The following MTAP variants were observed in gnomAD, a reference collection of about 807,000 sequenced individuals.
The protein encoded by MTAP is methylthioadenosine phosphorylase, also known as S-methyl-5'-thioadenosine phosphorylase.
Under a neutral mutation model 33.6 loss-of-function variants are expected in MTAP, and 33 were observed. That is an observed-to-expected ratio of 0.98 (90% CI 0.74 to 1.31). The LOEUF (loss-of-function observed/expected upper bound fraction) is 1.31, where lower values mean the gene tolerates loss of function less well. MTAP is among the 40% of genes most tolerant of loss of function. The pLI is 0.00. For synonymous variants in MTAP, 148 were observed against 125.7 expected, an observed-to-expected ratio of 1.18 and a Z score of -1.19; for missense variants, 367 against 360.0, an observed-to-expected ratio of 1.02 and a Z score of -0.16.
At chr9:21,850,948 G>A (rs959264806) in intron 5 of MTAP, among the ~76,000 whole-genome samples, 1 of 152,194 alleles carries the variant, frequency 6.6e-6, no homozygotes, top group African/African-American at 2.4e-5. Context: ...TAAGTCAACA[G>A]GCTAAGAAGG....
downstream of MTAP, among the ~76,000 whole-genome samples, chr9:21,869,391 A>G (rs558046572): frequency 2.0e-5 from 3 of 152,206 alleles, no homozygotes; most frequent in East Asian, 3.9e-4. Flanking sequence ...CTCCTCTTTG[A>G]TAAGTTTTCT....
chr9:21,806,956 A>G (rs555240560), intron 1 of MTAP, among the ~76,000 whole-genome samples: 1 of 152,160 alleles, frequency 6.6e-6, no homozygotes, highest in South Asian at 2.1e-4. Flanking sequence ...CTGAGCTCAG[A>G]AGTTCAAGAC....
At chr9:21,908,881 A>T (rs1818518410) in intron 1 of MTAP, among the ~76,000 whole-genome samples, 1 of 151,986 alleles carries the variant, frequency 6.6e-6, no homozygotes, top group Non-Finnish European at 1.5e-5. Context: ...TGAATGAAAT[A>T]TGGAAGTCTC....
chr9:21,839,752 CTGTCATG>C (rs1825197523), intron 5 of MTAP, among the ~76,000 whole-genome samples: 1 of 152,144 alleles, frequency 6.6e-6, no homozygotes, highest in Non-Finnish European at 1.5e-5. Context: ...TGGAATAGGA[CTGTCATG>C]ATGAATTGTC....
In MTAP at chr9:21,913,864, T is replaced by C. The variant is rs1247410871; in HGVS notation, c.148-17144T>C. ...AGGCAACCTACAGAATGGGAGAAAATTTTTGCAATCTACTCATCTGACAAA... is the reference window on the plus strand; with the variant it reads ...AGGCAACCTACAGAATGGGAGAAAACTTTTGCAATCTACTCATCTGACAAA... On this transcript the variant is annotated intron_variant, in intron 1 of 1. Coordinates refer to the MTAP transcript ENST00000577563. 2.6e-5 allele frequency among the ~76,000 whole-genome samples: 4 copies of C among 151,898 alleles called. No homozygotes were observed. The South Asian group carries it at 6.2e-4, about 24-fold the overall frequency.
downstream of MTAP, chr9:21,931,781 T>TC (rs1343056683): frequency 1.3e-5 from 2 of 152,226 alleles, no homozygotes; most frequent in East Asian, 1.9e-4. Flanking sequence ...GTACTTTATT[T>TC]CCTTTCATTC....
At chr9:21,836,408 G>A (rs567936099) in intron 4 of MTAP, among the ~76,000 whole-genome samples, 2 of 152,272 alleles carry the variant, frequency 1.3e-5, no homozygotes, top group South Asian at 2.1e-4. Flanking sequence ...AGGCAAATGG[G>A]TGGGGATAGA....
rs10123991 is a variant in MTAP, at chr9:21,852,160, G to A, written c.451-2471G>A. Among the ~76,000 whole-genome samples the A allele has an allele frequency of 3.2e-3, 481 of 152,220 alleles. 3 individuals are homozygous for A. The highest frequency in any genetic ancestry group is 9.5e-3 in the African/African-American group (394 of 41,536). On this transcript the variant is annotated intron_variant, in intron 5 of 7. Coordinates refer to ENST00000644715, the MANE Select transcript of MTAP (RefSeq NM_002451.4). ...ACTCGGGAATGGAAAACTAAATATC[G>A]TTATGTCCTCATTTGTAAGTGGGAG...
At chr9:21,911,540 A>G (rs1395560007) in intron 1 of MTAP, among the ~76,000 whole-genome samples, 1 of 152,260 alleles carries the variant, frequency 6.6e-6, no homozygotes, top group Non-Finnish European at 1.5e-5. Context: ...CTGGGTACAT[A>G]ACGAAATGAA....
intron 5 of MTAP, among the ~76,000 whole-genome samples, chr9:21,838,861 A>T (rs1825174284): frequency 6.6e-6 from 1 of 152,234 alleles, no homozygotes; most frequent in South Asian, 2.1e-4. Context: ...GCTTCATAAA[A>T]TCTCCCTTAT....
intron 1 of MTAP, among the ~76,000 whole-genome samples, chr9:21,900,643 C>T (rs571394347): frequency 8.5e-4 from 129 of 152,252 alleles, no homozygotes; most frequent in Non-Finnish European, 1.1e-3. Context: ...AACTACCATT[C>T]AACCCAGCAA....
intron 1 of MTAP, among the ~76,000 whole-genome samples, chr9:21,810,503 C>T (rs141388781): frequency 1.3e-5 from 2 of 152,298 alleles, no homozygotes; most frequent in African/African-American, 4.8e-5. Context: ...CAAGAACACC[C>T]TCCCCTGGGA....
intron 6 of MTAP, 95 bp from the exon 7 acceptor site, chr9:21,859,208 T>A: frequency 6.6e-7 from 1 of 1,509,790 alleles, no homozygotes; most frequent in Non-Finnish European, 8.9e-7. Context: ...GACACAAACA[T>A]TTAGGCTGTA....
Position 21,862,830 on chromosome 9 carries a change from G to A in MTAP, c.*816G>A, listed in dbSNP as rs528647010. 11 of 464,902 alleles carry A rather than the reference G, an allele frequency of 2.4e-5. No homozygotes were observed. In the South Asian group the frequency reaches 1.0e-3, roughly 43 times the overall value. 28.8% of individuals were successfully genotyped at this position (464,902 alleles called of 1,614,324 possible). A position where few individuals can be genotyped will look rare whatever the true frequency, so the allele number is the denominator to read the frequency against. On this transcript the variant is annotated 3_prime_UTR_variant, in exon 8 of 8. Coordinates refer to ENST00000644715, the MANE Select transcript of MTAP (RefSeq NM_002451.4). ...TATAACCTTGTTATTGTATTTGGGGGAGGGATACTGGGATAATTTTTATTT... is the reference window on the plus strand; with the variant it reads ...TATAACCTTGTTATTGTATTTGGGGAAGGGATACTGGGATAATTTTTATTT...
At chr9:21,870,953 TA>T (rs1416569049), downstream of MTAP, among the ~76,000 whole-genome samples, 1 of 151,828 alleles carries the variant, frequency 6.6e-6, no homozygotes, top group East Asian at 1.9e-4. Flanking sequence ...ATATTTTCAG[TA>T]GAGACAGGGT....
intron 5 of MTAP, among the ~76,000 whole-genome samples, chr9:21,844,865 A>G (rs1290243636): frequency 6.6e-6 from 1 of 152,122 alleles, no homozygotes; most frequent in Non-Finnish European, 1.5e-5. Flanking sequence ...CCCCATCTCT[A>G]CTAAAAATAC....
chr9:21,859,252 A>G (rs1421401300), intron 6 of MTAP, 51 bp from the exon 7 acceptor site: 1 of 1,563,690 alleles, frequency 6.4e-7, no homozygotes, highest in Admixed American at 2.1e-5. Context: ...GTTTTATGAC[A>G]AGCAGTGGAA....
intron 1 of MTAP, among the ~76,000 whole-genome samples, chr9:21,873,618 C>G (rs901961471): frequency 2.0e-5 from 2 of 101,168 alleles, no homozygotes; most frequent in Admixed American, 1.3e-4. Flanking sequence ...CCGCCCCCCA[C>G]CCCAAGAACT....
chr9:21,906,502 G>T (rs1302255396), intron 1 of MTAP, among the ~76,000 whole-genome samples: 1 of 152,058 alleles, frequency 6.6e-6, no homozygotes, highest in African/African-American at 2.4e-5. Context: ...GAGCAGAGAG[G>T]AGAGAGAAGA....
Sources: gnomAD v4.1 joint callset for allele counts (sites outside exome capture counted in the v4.1 genomes callset) on GRCh38, gnomAD v4.1.1 for gene constraint, MANE v1.5 for transcripts, NCBI Gene and HGNC (gene_info 2026-07-23, HGNC 2026-07-21) for gene names.